The following DMXL1 variants were observed in gnomAD, a reference collection of about 807,000 sequenced individuals.
DMXL1 encodes the protein dmX-like protein 1.
A neutral mutation model predicts 319.2 loss-of-function variants in DMXL1; 99 were observed. The ratio of observed to expected loss-of-function variants is 0.31; its 90% confidence interval spans 0.26 to 0.37. The LOEUF is 0.37. DMXL1 is among the 10% of genes least tolerant of loss of function. DMXL1 has a pLI of 1.00. For synonymous variants in DMXL1, 1,385 were observed against 1,235.2 expected (o/e 1.12, Z -2.54); for missense variants, 3,745 against 3,595.6 (o/e 1.04, Z -1.06).
chr5:119,140,111 C>T (rs994658632), intron 13 of DMXL1, among the ~76,000 whole-genome samples: 3 of 152,122 alleles, frequency 2.0e-5, no homozygotes, highest in Admixed American at 6.5e-5. Context: ...CTCTGGGACA[C>T]AACTAAGGCA....
chr5:119,217,168 A>G (rs1783838046), intron 35 of DMXL1, among the ~76,000 whole-genome samples, 181 bp downstream of exon 35: 1 of 152,172 alleles, frequency 6.6e-6, no homozygotes, highest in African/African-American at 2.4e-5. Context: ...TTGTTATTAT[A>G]TGATTTTGGA....
At chr5:119,152,235 A>G (rs1334932562) in intron 19 of DMXL1, among the ~76,000 whole-genome samples, 199 bp downstream of exon 19, 1 of 152,166 alleles carries the variant, frequency 6.6e-6, no homozygotes, top group Admixed American at 6.6e-5. Flanking sequence ...AGGCAAAAGG[A>G]GTTAATGAAG....
chr5:119,219,205 G>C (rs1289224173), intron 35 of DMXL1, among the ~76,000 whole-genome samples: 4 of 152,144 alleles, frequency 2.6e-5, no homozygotes, highest in Admixed American at 2.0e-4. Context: ...ACACATAGTA[G>C]GTTATATTAC....
chr5:119,106,988 G>C (rs1470582672), intron 4 of DMXL1, among the ~76,000 whole-genome samples: 1 of 152,162 alleles, frequency 6.6e-6, no homozygotes, highest in Non-Finnish European at 1.5e-5. Context: ...TGTGGACCTT[G>C]AGAAGCTTGT....
At chr5:119,112,563 G>A (rs557033489) in intron 5 of DMXL1, among the ~76,000 whole-genome samples, 1 of 152,262 alleles carries the variant, frequency 6.6e-6, no homozygotes, top group African/African-American at 2.4e-5. Flanking sequence ...ATTTACAGAG[G>A]AGATTTCAAA....
chr5:119,108,827 G>GT (rs1561598976), intron 4 of DMXL1, among the ~76,000 whole-genome samples: 1 of 151,734 alleles, frequency 6.6e-6, no homozygotes, highest in African/African-American at 2.4e-5. Flanking sequence ...TTGAGGTGGT[G>GT]TTTCGCTCTT....
At chr5:119,102,825 A>C (rs1757545268) in intron 3 of DMXL1, among the ~76,000 whole-genome samples, 1 of 152,170 alleles carries the variant, frequency 6.6e-6, no homozygotes, top group Non-Finnish European at 1.5e-5. Context: ...AACCGTCTGA[A>C]AGAAGATAAG....
chr5:119,102,002 A>C lies in DMXL1; in HGVS notation c.281A>C (p.Asn94Thr), dbSNP rs1398601066. ...EPVNLPKQKK[N>T]LELYSQWQKS... The stretch of plus-strand genomic sequence containing the variant: ...GTTAACCTACCAAAACAAAAGAAAA[A>C]TTTGGTCAGTAATTTATGATTTCTT... Residue 94 changes from asparagine to threonine, a missense_variant, in exon 3 of 44, where the codon AAT becomes ACT. Around this residue, in one of 4 missense-constraint regions of DMXL1, gnomAD observed 2,096 missense variants for 1,985.4 expected, o/e 1.06. Transcript: ENST00000539542. The C allele has an allele frequency of 1.3e-6, 2 of 1,588,686 alleles. No individual in the cohort carries two copies. The highest frequency in any genetic ancestry group is 1.7e-6 in the Non-Finnish European group (2 of 1,161,580).
chr5:119,223,219 G>C (rs1166261168), intron 37 of DMXL1, among the ~76,000 whole-genome samples: 1 of 151,896 alleles, frequency 6.6e-6, no homozygotes, highest in African/African-American at 2.4e-5. Flanking sequence ...ACCATGCCCG[G>C]CTAATTTTTG....
intron 38 of DMXL1, among the ~76,000 whole-genome samples, chr5:119,228,648 G>T (rs961094702): frequency 1.3e-5 from 2 of 152,096 alleles, no homozygotes; most frequent in Non-Finnish European, 2.9e-5. Flanking sequence ...GAGGGAGTGA[G>T]AACAAATTTT....
intron 8 of DMXL1, among the ~76,000 whole-genome samples, 162 bp downstream of exon 8, chr5:119,119,166 T>C (rs1761484767): frequency 6.6e-6 from 1 of 152,198 alleles, no homozygotes; most frequent in African/African-American, 2.4e-5. Context: ...TATCTAGATT[T>C]TGTCTGGAAC....
chr5:119,220,376 C>A, intron 35 of DMXL1, 96 bp from the exon 36 acceptor site: 1 of 1,107,802 alleles, frequency 9.0e-7, no homozygotes, highest in Admixed American at 2.2e-5. Context: ...GTTATCACTG[C>A]TAGAGGTTAT....
At chr5:119,111,986 A>T (rs6895651) in intron 5 of DMXL1, among the ~76,000 whole-genome samples, 3 of 152,054 alleles carry the variant, frequency 2.0e-5, no homozygotes, top group East Asian at 3.9e-4. Flanking sequence ...TTTGAGACGA[A>T]GTCTCGCTCT....
intron 34 of DMXL1, among the ~76,000 whole-genome samples, chr5:119,214,305 A>G (rs1218756215): frequency 6.6e-6 from 1 of 152,182 alleles, no homozygotes; most frequent in Non-Finnish European, 1.5e-5. Context: ...TCCCAATTCC[A>G]GCCACTTATC....
At chr5:119,238,927 A>C in intron 40 of DMXL1, 62 bp from the exon 41 acceptor site, 1 of 1,594,218 alleles carries the variant, frequency 6.3e-7, no homozygotes, top group Non-Finnish European at 8.6e-7. Context: ...CGAAGAATAC[A>C]TTTACCTGGT....
At chr5:119,112,303 C>T (rs564395632) in intron 5 of DMXL1, among the ~76,000 whole-genome samples, 14 of 152,316 alleles carry the variant, frequency 9.2e-5, no homozygotes, top group Admixed American at 5.2e-4. Context: ...TATGATTCAA[C>T]AGGCTTAATT....
At chr5:119,156,910 A>G (rs1035040075) in intron 19 of DMXL1, among the ~76,000 whole-genome samples, 23 of 151,180 alleles carry the variant, frequency 1.5e-4, no homozygotes, top group Non-Finnish European at 2.4e-4. Context: ...TTTAATTTGC[A>G]TTTTCCTGAT....
At chr5:119,230,706 C>T (rs1368043603) in intron 38 of DMXL1, among the ~76,000 whole-genome samples, 2 of 152,210 alleles carry the variant, frequency 1.3e-5, no homozygotes, top group Non-Finnish European at 2.9e-5. Flanking sequence ...CATGGTAAAA[C>T]CCCACCTCTA....
intron 34 of DMXL1, among the ~76,000 whole-genome samples, chr5:119,213,311 T>G (rs1159716872): frequency 1.3e-5 from 2 of 152,200 alleles, no homozygotes; most frequent in Non-Finnish European, 2.9e-5. Flanking sequence ...AGATATTTTC[T>G]TCTGCCTCCT....
Sources: gnomAD v4.1 joint callset for allele counts (sites outside exome capture counted in the v4.1 genomes callset) on GRCh38, gnomAD v4.1.1 for gene constraint, gnomAD v4.1.1 regional missense constraint, MANE v1.5 for transcripts, NCBI Gene and HGNC (gene_info 2026-07-23, HGNC 2026-07-21) for gene names.